Variants in PPP3R1 observed in about 807,000 individuals in gnomAD.
PPP3R1 encodes calcineurin subunit B type 1.
PPP3R1 carries 5 observed loss-of-function variants against 22.6 expected under a neutral mutation model. That is an observed-to-expected ratio of 0.22 (90% CI 0.12 to 0.46). The LOEUF (loss-of-function observed/expected upper bound fraction) is 0.46, where lower values mean the gene tolerates loss of function less well. Among genes scored for constraint, PPP3R1 ranks in the 20% least tolerant of loss-of-function variants. The pLI, the probability that PPP3R1 is intolerant of heterozygous loss-of-function variation, is 0.99. For missense variants in PPP3R1, 61 were observed against 203.2 expected, an observed-to-expected ratio of 0.30 and a Z score of 4.25; for synonymous variants, 56 against 65.2, an observed-to-expected ratio of 0.86 and a Z score of 0.68.
chr2:68,182,759 T>C (rs531757915), intron 5 of PPP3R1, among the ~76,000 whole-genome samples: 1 of 152,098 alleles, frequency 6.6e-6, no homozygotes, highest in Non-Finnish European at 1.5e-5. Context: ...GCATTTTTCA[T>C]TGTTATAACT....
Position 68,217,137 on chromosome 2 carries a change from G to T in PPP3R1, c.4-6C>A. The T allele has an allele frequency of 6.3e-7, 1 of 1,580,708 alleles. No individual in the cohort carries two copies. Among genetic ancestry groups the T allele is most frequent in the Non-Finnish European group, 8.6e-7 (1 of 1,157,240 alleles). On this transcript the variant is annotated splice_polypyrimidine_tract_variant and splice_region_variant and intron_variant, in intron 1 of 5. Transcript: ENST00000234310. ...GGATAACTTGCCTCATTTCCCTGGGGGGAAAGAAAGAAATAATTAGTCATA... is the reference window on the plus strand; with the variant it reads ...GGATAACTTGCCTCATTTCCCTGGGTGGAAAGAAAGAAATAATTAGTCATA...
rs1319138559 is a variant in PPP3R1 at position 68,179,520 on chromosome 2, T to C, written c.*1443A>G. On this transcript the variant is annotated 3_prime_UTR_variant, in exon 6 of 6. Transcript: ENST00000234310. ...TCAATTTCAGATTGATTCACCTTGA[T>C]TCAACCTGCCCTTTTCCACTGATTT... 1 of 152,306 alleles carries C rather than the reference T, an allele frequency of 6.6e-6. No individual in the cohort carries two copies. Among genetic ancestry groups the C allele is most frequent in the Non-Finnish European group, 1.5e-5 (1 of 68,034 alleles). The allele number at this position is 152,306 out of a possible 1,614,324, so 9.4% of individuals were successfully genotyped here.
intron 2 of PPP3R1, among the ~76,000 whole-genome samples, chr2:68,190,712 A>G (rs1454360072): frequency 1.3e-5 from 2 of 152,222 alleles, no homozygotes; most frequent in African/African-American, 4.8e-5. Flanking sequence ...GTGAAAACTA[A>G]GGACACAGAT....
At chr2:68,194,842 C>T (rs1674736205) in intron 2 of PPP3R1, among the ~76,000 whole-genome samples, 1 of 152,086 alleles carries the variant, frequency 6.6e-6, no homozygotes, top group African/African-American at 2.4e-5. Flanking sequence ...AGCAACAAGA[C>T]TATTGCTTCA....
intron 1 of PPP3R1, among the ~76,000 whole-genome samples, chr2:68,223,665 A>G (rs1669729121): frequency 6.6e-6 from 1 of 152,208 alleles, no homozygotes. Context: ...TGATAAAACA[A>G]GAGTAACTCA....
In PPP3R1 at chr2:68,243,381, A is replaced by G. The variant is rs1019798195; in HGVS notation, c.3+8744T>C. 2.0e-5 allele frequency among the ~76,000 whole-genome samples: 3 copies of G among 152,138 alleles called. No homozygotes were observed. The South Asian group carries it at 6.2e-4, about 31-fold the overall frequency. On this transcript the variant is annotated intron_variant, in intron 1 of 5. Coordinates refer to ENST00000234310, the MANE Select transcript of PPP3R1 (RefSeq NM_000945.4). ...ATGTTGACCATAAGTTTCCTTTATTATGGAGTCTATGGAGAAAATTCAGAA... is the reference window on the plus strand; with the variant it reads ...ATGTTGACCATAAGTTTCCTTTATTGTGGAGTCTATGGAGAAAATTCAGAA...
chr2:68,213,467 T>C (rs1292442192), intron 2 of PPP3R1, among the ~76,000 whole-genome samples: 2 of 152,168 alleles, frequency 1.3e-5, no homozygotes, highest in Non-Finnish European at 2.9e-5. Context: ...TGGACTAAGT[T>C]CACCATCTTA....
At chr2:68,209,887 A>G in intron 2 of PPP3R1, among the ~76,000 whole-genome samples, 1 of 152,190 alleles carries the variant, frequency 6.6e-6, no homozygotes, top group Non-Finnish European at 1.5e-5. Flanking sequence ...TCAGTCAAAT[A>G]AAGAGCTGAC....
intron 1 of PPP3R1, among the ~76,000 whole-genome samples, chr2:68,226,823 A>C (rs951430500): frequency 1.3e-5 from 2 of 152,164 alleles, no homozygotes; most frequent in African/African-American, 4.8e-5. Context: ...GGTTAGATTA[A>C]GGGCATTAGA....
chr2:68,252,076 C>A, intron 1 of PPP3R1, 49 bp downstream of exon 1: 1 of 1,384,240 alleles, frequency 7.2e-7, no homozygotes, highest in South Asian at 1.5e-5. Flanking sequence ...CCGACCCGGA[C>A]GGCGGCAGTA....
At chr2:68,182,205 G>C (rs937705893) in intron 5 of PPP3R1, among the ~76,000 whole-genome samples, 1 of 151,544 alleles carries the variant, frequency 6.6e-6, no homozygotes, top group Non-Finnish European at 1.5e-5. Flanking sequence ...ATGTTGTTAT[G>C]TGTATTTGTT....
chr2:68,224,998 C>T, intron 1 of PPP3R1, among the ~76,000 whole-genome samples: 1 of 152,174 alleles, frequency 6.6e-6, no homozygotes, highest in African/African-American at 2.4e-5. Flanking sequence ...TATTACTATA[C>T]AGGCAACTGG....
chr2:68,237,396 C>A (rs1390255257), intron 1 of PPP3R1, among the ~76,000 whole-genome samples: 2 of 151,976 alleles, frequency 1.3e-5, no homozygotes, highest in Admixed American at 6.6e-5. Context: ...ATTTAGAGTA[C>A]TCCAAAACAG....
chr2:68,214,931 A>T (rs995326750), intron 2 of PPP3R1, among the ~76,000 whole-genome samples: 4 of 152,216 alleles, frequency 2.6e-5, no homozygotes, highest in Admixed American at 1.3e-4. Context: ...TGAGGTACAT[A>T]TACACCATGG....
intron 5 of PPP3R1, 57 bp from the exon 6 acceptor site, chr2:68,181,067 G>C (rs1674389243): frequency 1.5e-5 from 22 of 1,515,444 alleles, no homozygotes; most frequent in Non-Finnish European, 1.8e-5. Flanking sequence ...CCTCATTCGT[G>C]GTCTAACTAC....
chr2:68,229,965 T>TACACACAC lies in PPP3R1; in HGVS notation c.4-12835_4-12834insGTGTGTGT, dbSNP rs1157191768. On this transcript the variant is annotated intron_variant, in intron 1 of 5. Transcript: ENST00000234310. Reference sequence around the variant, plus strand: ...GTGTATATATGTGTGTGTGTATATATACACACATACACACACACACACACA... The same window carrying TACACACAC: ...GTGTATATATGTGTGTGTGTATATATACACACACACACACATACACACACACACACACA... 4.1e-3 allele frequency among the ~76,000 whole-genome samples: 204 copies of TACACACAC among 49,520 alleles called. 1 individual carries two copies. The highest frequency in any genetic ancestry group is 5.1e-3 in the Non-Finnish European group (147 of 28,892). The allele number at this position is 49,520 out of a possible 152,430, so 32.5% of individuals were successfully genotyped here.
chr2:68,189,950 G>C (rs1271587120), intron 2 of PPP3R1, among the ~76,000 whole-genome samples: 1 of 151,874 alleles, frequency 6.6e-6, no homozygotes, highest in Non-Finnish European at 1.5e-5. Context: ...CTGCCCATGA[G>C]TATATATGTA....
chr2:68,188,491 A>T, intron 3 of PPP3R1, 23 bp downstream of exon 3: 1 of 1,544,558 alleles, frequency 6.5e-7, no homozygotes, highest in Non-Finnish European at 8.8e-7. Context: ...ACTTGTGGTT[A>T]TAAAAAATAA....
intron 2 of PPP3R1, among the ~76,000 whole-genome samples, chr2:68,199,130 A>AT (rs1674902700): frequency 1.3e-5 from 2 of 151,872 alleles, no homozygotes; most frequent in South Asian, 4.2e-4. Context: ...TGCCCAGCTA[A>AT]TTTTTTTATT....
Sources: gnomAD v4.1 joint callset for allele counts (sites outside exome capture counted in the v4.1 genomes callset) on GRCh38, gnomAD v4.1.1 for gene constraint, MANE v1.5 for transcripts, NCBI Gene and HGNC (gene_info 2026-07-23, HGNC 2026-07-21) for gene names.